Variants in NBAS observed in about 807,000 individuals in gnomAD.
The protein encoded by NBAS is NAG/BC035112 fusion.
In NBAS, 219 loss-of-function variants were observed where a neutral mutation model predicts 302.5. The observed-to-expected ratio is 0.72, with a 90% CI of 0.65 to 0.81. The LOEUF (loss-of-function observed/expected upper bound fraction) is 0.81, where lower values mean the gene tolerates loss of function less well. Among genes scored for constraint, NBAS ranks in the 30% least tolerant of loss-of-function variants. NBAS has a pLI of 0.00. For synonymous variants in NBAS, 1,118 were observed against 1,021.6 expected (o/e 1.09, Z -1.80); for missense variants, 2,932 against 2,841.6 (o/e 1.03, Z -0.72).
chr2:14,960,514 A>G, the NBAS span, among the ~76,000 whole-genome samples: 1 of 152,196 alleles, frequency 6.6e-6, no homozygotes, highest in African/African-American at 2.4e-5. Flanking sequence ...GACAGGTTTT[A>G]TAATTATCCC....
chr2:14,818,027 C>G, the NBAS span, among the ~76,000 whole-genome samples: 60,917 of 151,860 alleles, frequency 0.4, 12,775 homozygotes, highest in African/African-American at 0.52. Flanking sequence ...CTTTTCCCAC[C>G]CACGAAGTTC....
chr2:14,883,082 G>T, the NBAS span, among the ~76,000 whole-genome samples: 1 of 152,134 alleles, frequency 6.6e-6, no homozygotes, highest in Non-Finnish European at 1.5e-5. Flanking sequence ...CGTGAAATAC[G>T]TCAACTTAAG....
intron 38 of NBAS, among the ~76,000 whole-genome samples, chr2:15,324,753 C>T (rs544890785): frequency 2.0e-5 from 3 of 152,304 alleles, no homozygotes; most frequent in African/African-American, 7.2e-5. Context: ...TGAATAATAT[C>T]CACACAGTTA....
rs777685741 is a variant in NBAS, at chr2:15,186,810, C to T, written c.6643G>A (p.Gly2215Arg). The T allele has an allele frequency of 3.5e-5, 56 of 1,613,936 alleles. No homozygotes were observed. The South Asian group carries it at 6.1e-4, about 18-fold the overall frequency. ...ATTTTCAAAACTTCATTCCCCAATC[C>T]TTCCTTGTTCTCCATCGTACATCTG... ...LTRCTMENKE[G>R]LGNEVLKMCR... The change falls in exon 50 of 52, where the codon GGA becomes AGA. Residue 2215 changes from glycine to arginine, a missense_variant. By Grantham distance (125) the Gly-to-Arg change is moderately radical. Coordinates refer to ENST00000281513, the MANE Select transcript of NBAS (RefSeq NM_015909.4).
intron 9 of NBAS, among the ~76,000 whole-genome samples, chr2:15,520,903 G>A (rs1662638075): frequency 6.6e-6 from 1 of 152,180 alleles, no homozygotes; most frequent in South Asian, 2.1e-4. Flanking sequence ...AAGCCTCTAG[G>A]AGCTTAGGTT....
At chr2:14,831,390 G>A in the NBAS span, among the ~76,000 whole-genome samples, 20 of 152,200 alleles carry the variant, frequency 1.3e-4, no homozygotes, top group East Asian at 3.9e-3. Context: ...TCCAGAAAAG[G>A]CTAAGTAAGG....
At position 15,488,893 on chromosome 2, in the gene NBAS, C is replaced by A. The variant is rs769671524; in HGVS notation, c.1083+1G>T. The A allele has an allele frequency of 6.2e-7, 1 of 1,613,612 alleles. No individual in the cohort carries two copies. The highest frequency in any genetic ancestry group is 8.5e-7 in the Non-Finnish European group (1 of 1,179,646). ...ATCATTCTAATAACCAAGAGACGCACCTGCTCATTTTGACCCCATTCCCCT... is the reference window on the plus strand; with the variant it reads ...ATCATTCTAATAACCAAGAGACGCAACTGCTCATTTTGACCCCATTCCCCT... On this transcript the variant is annotated splice_donor_variant, in intron 12 of 51. Transcript: ENST00000281513. LOFTEE classifies it high-confidence loss of function.
chr2:14,876,605 G>T, the NBAS span, among the ~76,000 whole-genome samples: 1 of 152,216 alleles, frequency 6.6e-6, no homozygotes, highest in African/African-American at 2.4e-5. Context: ...GTGTTATTGG[G>T]AAATGGATCT....
the NBAS span, among the ~76,000 whole-genome samples, chr2:14,782,734 A>C: frequency 6.6e-6 from 1 of 152,244 alleles, no homozygotes; most frequent in Admixed American, 6.5e-5. Context: ...AGACAAGATA[A>C]AGAAAACATG....
chr2:15,217,123 G>A (rs1410184087), intron 48 of NBAS, among the ~76,000 whole-genome samples: 3 of 152,178 alleles, frequency 2.0e-5, no homozygotes, highest in Admixed American at 6.5e-5. Context: ...CTATGCCTTC[G>A]TGTCCCTAGC....
chr2:14,815,557 C>T, the NBAS span, among the ~76,000 whole-genome samples: 121 of 152,290 alleles, frequency 7.9e-4, no homozygotes, highest in Non-Finnish European at 1.1e-3. Flanking sequence ...ATACAATGCT[C>T]AGCCTCTTCT....
At chr2:15,097,895 TTATTA>T in the NBAS span, among the ~76,000 whole-genome samples, 2 of 123,532 alleles carry the variant, frequency 1.6e-5, no homozygotes, top group Non-Finnish European at 3.2e-5. Flanking sequence ...TAAATGGTTA[TTATTA>T]TATTATATAC....
chr2:15,543,948 A>T (rs1663979573), intron 6 of NBAS, among the ~76,000 whole-genome samples: 1 of 152,188 alleles, frequency 6.6e-6, no homozygotes, highest in African/African-American at 2.4e-5. Context: ...CTCTGGTGGG[A>T]CATAACAAAC....
At chr2:14,848,434 G>A in the NBAS span, among the ~76,000 whole-genome samples, 2 of 142,394 alleles carry the variant, frequency 1.4e-5, no homozygotes, top group Admixed American at 6.7e-5. Context: ...CTACGCCCAC[G>A]GAATCTCGCT....
At chr2:15,218,746 A>G in intron 48 of NBAS, 27 bp downstream of exon 48, 1 of 1,614,130 alleles carries the variant, frequency 6.2e-7, no homozygotes, top group Non-Finnish European at 8.5e-7. Flanking sequence ...GTTAGTAAGA[A>G]AAATAATCAT....
intron 47 of NBAS, among the ~76,000 whole-genome samples, chr2:15,228,194 T>C (rs1166740003): frequency 6.6e-6 from 1 of 151,694 alleles, no homozygotes; most frequent in Non-Finnish European, 1.5e-5. Context: ...TGAAGTGAAA[T>C]AGACCTGAAG....
At chr2:15,354,617 C>T (rs1673524729) in intron 33 of NBAS, among the ~76,000 whole-genome samples, 2 of 152,170 alleles carry the variant, frequency 1.3e-5, no homozygotes, top group African/African-American at 4.8e-5. Context: ...AAACAATTTG[C>T]TAATGCTGAA....
the NBAS span, among the ~76,000 whole-genome samples, chr2:15,011,224 T>G: frequency 6.6e-6 from 1 of 152,104 alleles, no homozygotes; most frequent in Admixed American, 6.5e-5. Flanking sequence ...GGAAAGGATT[T>G]GTGTTCTCTG....
chr2:15,241,477 T>C lies in NBAS; in HGVS notation c.5725-2791A>G, dbSNP rs145253051. 9.3e-4 allele frequency among the ~76,000 whole-genome samples: 141 copies of C among 152,278 alleles called. 1 individual carries two copies. The highest frequency in any genetic ancestry group is 3.2e-3 in the African/African-American group (132 of 41,550). ...GTCAACCAACCATGGAATGAATATA[T>C]GGTAAGCAGGAAGAACAATACATTC... On this transcript the variant is annotated intron_variant, in intron 44 of 51. Transcript: ENST00000281513.
Sources: allele counts gnomAD v4.1 joint callset (sites outside exome capture counted in the v4.1 genomes callset), GRCh38; gene constraint gnomAD v4.1.1; transcripts MANE v1.5; gene names NCBI Gene and HGNC (gene_info 2026-07-23, HGNC 2026-07-21).